The following NUP155 variants were observed in gnomAD, a reference collection of about 807,000 sequenced individuals.
The protein encoded by NUP155 is nucleoporin 155.
A neutral mutation model predicts 180.4 loss-of-function variants in NUP155; 71 were observed. The observed-to-expected ratio is 0.39, with a 90% CI of 0.33 to 0.48. The LOEUF (loss-of-function observed/expected upper bound fraction) is 0.48, where lower values mean the gene tolerates loss of function less well. Ranked by LOEUF, NUP155 falls within the 20% of genes least tolerant of loss-of-function variation. The probability of loss-of-function intolerance (pLI) is 0.91; values close to 1 mark genes in which losing one functional copy is unlikely to be tolerated. For missense variants in NUP155, 1,553 were observed against 1,648.9 expected, an observed-to-expected ratio of 0.94 and a Z score of 1.01; for synonymous variants, 582 against 559.5, an observed-to-expected ratio of 1.04 and a Z score of -0.57.
At chr5:37,330,679 T>C (rs940376656) in intron 14 of NUP155, among the ~76,000 whole-genome samples, 1 of 152,068 alleles carries the variant, frequency 6.6e-6, no homozygotes, top group Non-Finnish European at 1.5e-5. Context: ...TCTGAAATAC[T>C]AAGATCTCTA....
rs1744013379 is a variant in NUP155, at chr5:37,318,038, T to C, written c.2255A>G (p.Glu752Gly). 1 of 1,613,286 alleles carries C rather than the reference T, an allele frequency of 6.2e-7. No individual in the cohort carries two copies. The highest frequency in any genetic ancestry group is 1.3e-5 in the African/African-American group (1 of 75,044). Reference sequence around the variant, plus strand: ...TTGCATTTGCTGGGGATTTCCGTTTTCAGGACGCATGAATCCTATCAGCCT... The same window carrying C: ...TTGCATTTGCTGGGGATTTCCGTTTCCAGGACGCATGAATCCTATCAGCCT... The part of the protein sequence containing the change: ...QQRLIGFMRP[E>G]NGNPQQMQQE... The change falls in exon 21 of 35, where the codon GAA becomes GGA. Residue 752 changes from glutamate (E) to glycine (G), a missense_variant. Coordinates refer to ENST00000231498, the MANE Select transcript of NUP155 (RefSeq NM_153485.3).
chr5:37,318,864 T>C (rs997266292), intron 20 of NUP155, among the ~76,000 whole-genome samples: 1 of 152,186 alleles, frequency 6.6e-6, no homozygotes, highest in Non-Finnish European at 1.5e-5. Flanking sequence ...AAGTAAACAC[T>C]AAGTCACTTA....
chr5:37,327,584 A>G, intron 18 of NUP155, 45 bp downstream of exon 18: 7 of 1,607,708 alleles, frequency 4.4e-6, no homozygotes, highest in African/African-American at 1.3e-5. Context: ...ACTACTCAAG[A>G]TGGGACAAGG....
intron 19 of NUP155, among the ~76,000 whole-genome samples, chr5:37,325,313 A>G (rs1409043202): frequency 6.6e-6 from 1 of 152,098 alleles, no homozygotes; most frequent in East Asian, 1.9e-4. Flanking sequence ...CCTCATGACA[A>G]CCTTATGAGG....
At chr5:37,357,257 T>C (rs1488446974) in intron 4 of NUP155, among the ~76,000 whole-genome samples, 2 of 151,154 alleles carry the variant, frequency 1.3e-5, no homozygotes, top group Non-Finnish European at 3.0e-5. Context: ...ATTAGCCTGG[T>C]GTGGTAGCAC....
chr5:37,345,281 G>T (rs151166033), intron 9 of NUP155, among the ~76,000 whole-genome samples: 2 of 150,198 alleles, frequency 1.3e-5, no homozygotes, highest in Non-Finnish European at 3.0e-5. Context: ...TGAGACATGC[G>T]GATTGCTTGA....
intron 14 of NUP155, among the ~76,000 whole-genome samples, chr5:37,331,370 T>C (rs1427124155): frequency 6.6e-6 from 1 of 151,918 alleles, no homozygotes; most frequent in African/African-American, 2.4e-5. Context: ...AGGTCGGGAG[T>C]TCGAGACCAG....
chr5:37,294,135 T>C (rs1033814135), intron 33 of NUP155, among the ~76,000 whole-genome samples, 194 bp downstream of exon 33: 2 of 152,096 alleles, frequency 1.3e-5, no homozygotes, highest in Non-Finnish European at 2.9e-5. Flanking sequence ...TAATATTTCA[T>C]TTTAATCATG....
Position 37,327,683 on chromosome 5 carries a change from A to G in NUP155, c.1970T>C (p.Ile657Thr), listed in dbSNP as rs751798901. 2.5e-6 allele frequency: 4 copies of G among 1,614,074 alleles called. No homozygotes were observed. In the South Asian group the frequency reaches 4.4e-5, roughly 18 times the overall value. Residue 657 changes from isoleucine (I) to threonine (T), a missense_variant, in exon 18 of 35, where the codon ATT (isoleucine) becomes ACT (threonine). Ile to Thr is a moderately conservative substitution (Grantham distance 89). Transcript: ENST00000231498. ...ACCATTGTGTTTTCCAGAGTACACA[A>G]TCTCTGGTCCAGTCACACAACTCAT... ...TNMSCVTGPE[I>T]VYSGKHNGIC...
rs148457088 is a variant in NUP155, at chr5:37,333,491, G to T, written c.1490C>A (p.Pro497Gln). 6.2e-7 allele frequency: 1 copy of T among 1,613,916 alleles called. No individual in the cohort carries two copies. The highest frequency in any genetic ancestry group is 1.3e-5 in the African/African-American group (1 of 74,894). ...PVVVQQHMLP[P>Q]KKFVLLSAQG... ...TGCTGAGAGGAGAACAAATTTCTTCGGAGGTAACATGTGCTGCTGTACAAC... is the reference window on the plus strand; with the variant it reads ...TGCTGAGAGGAGAACAAATTTCTTCTGAGGTAACATGTGCTGCTGTACAAC... Residue 497 changes from proline to glutamine, a missense_variant, in exon 13 of 35, where the codon CCG becomes CAG. Pro to Gln is a moderately conservative substitution (Grantham distance 76, BLOSUM62 -1). Coordinates refer to ENST00000231498, the MANE Select transcript of NUP155 (RefSeq NM_153485.3).
rs1256127825 is a variant in NUP155 at position 37,303,410 on chromosome 5, G to A, written c.3167C>T (p.Ala1056Val). 1 of 1,613,730 alleles carries A rather than the reference G, an allele frequency of 6.2e-7. No individual in the cohort carries two copies. Among genetic ancestry groups the A allele is most frequent in the Admixed American group, 1.7e-5 (1 of 60,014 alleles). Residue 1056 changes from alanine (A) to valine (V), a missense_variant, in exon 28 of 35, where the codon GCT becomes GTT. Physicochemically the swap from Ala to Val is moderately conservative, Grantham distance 64 (BLOSUM62 0). Transcript: ENST00000231498. ...VDLADKLLQVASPFLEPHLVR... is the reference protein window; with the variant it reads ...VDLADKLLQVVSPFLEPHLVR... Reference sequence around the variant, plus strand: ...TAGATGTGGCTCCAGAAATGGAGAAGCAACCTAGAAATTATATAGTTATTC... The same window carrying A: ...TAGATGTGGCTCCAGAAATGGAGAAACAACCTAGAAATTATATAGTTATTC...
At chr5:37,313,201 C>T (rs546841521) in intron 22 of NUP155, among the ~76,000 whole-genome samples, 7 of 151,758 alleles carry the variant, frequency 4.6e-5, no homozygotes, top group African/African-American at 1.4e-4. Flanking sequence ...GTGGCTGAGG[C>T]GGGTGGATTA....
chr5:37,304,413 T>A (rs969518652), intron 27 of NUP155, among the ~76,000 whole-genome samples: 2 of 152,040 alleles, frequency 1.3e-5, no homozygotes, highest in Admixed American at 1.3e-4. Context: ...ACACTGAAAC[T>A]TAGGGTAGGT....
chr5:37,360,767 C>T (rs1370666019), intron 3 of NUP155, among the ~76,000 whole-genome samples: 3 of 133,712 alleles, frequency 2.2e-5, no homozygotes, highest in South Asian at 2.3e-4. Context: ...GCCTCAGCAA[C>T]GGAATGAGAT....
chr5:37,341,349 A>T, intron 10 of NUP155, 107 bp from the exon 11 acceptor site: 1 of 965,846 alleles, frequency 1.0e-6, no homozygotes, highest in Non-Finnish European at 1.6e-6. Context: ...CTAAAACCAT[A>T]CATAACTTTC....
At chr5:37,309,780 C>A (rs77153386) in intron 23 of NUP155, among the ~76,000 whole-genome samples, 7,961 of 152,098 alleles carry the variant, frequency 0.052, 230 homozygotes, top group South Asian at 0.081. Context: ...ATGGGCCAGG[C>A]GCAGAGGCTC....
chr5:37,346,699 C>T (rs1229516009), intron 9 of NUP155, among the ~76,000 whole-genome samples: 3 of 151,310 alleles, frequency 2.0e-5, no homozygotes, highest in Admixed American at 6.6e-5. Flanking sequence ...AGAGAGAGAG[C>T]GTTTGCAGCT....
chr5:37,316,149 G>A (rs924062331), intron 21 of NUP155, among the ~76,000 whole-genome samples: 3 of 152,110 alleles, frequency 2.0e-5, no homozygotes, highest in South Asian at 2.1e-4. Flanking sequence ...GCCAAAAAAC[G>A]GAAGTAACTC....
At chr5:37,355,461 G>C (rs1215355052) in intron 4 of NUP155, among the ~76,000 whole-genome samples, 1 of 151,506 alleles carries the variant, frequency 6.6e-6, no homozygotes, top group Admixed American at 6.6e-5. Flanking sequence ...TGAGCACCAA[G>C]GTGACTCCAC....
Sources: allele counts gnomAD v4.1 joint callset (sites outside exome capture counted in the v4.1 genomes callset), GRCh38; gene constraint gnomAD v4.1.1; transcripts MANE v1.5; gene names NCBI Gene and HGNC (gene_info 2026-07-23, HGNC 2026-07-21).